FHIT: variants seen among roughly 807,000 people sequenced by gnomAD.
The protein encoded by FHIT is fragile histidine triad diadenosine triphosphatase.
Under a neutral mutation model 17.9 loss-of-function variants are expected in FHIT, and 19 were observed. The observed-to-expected ratio is 1.06, with a 90% CI of 0.74 to 1.56. The LOEUF is 1.56. Ranked by LOEUF, FHIT falls within the 40% of genes most tolerant of loss-of-function variation. FHIT has a pLI of 0.00. For synonymous variants in FHIT, 81 were observed against 69.7 expected, an observed-to-expected ratio of 1.16 and a Z score of -0.81; for missense variants, 248 against 189.2, an observed-to-expected ratio of 1.31 and a Z score of -1.82.
intron 4 of FHIT, among the ~76,000 whole-genome samples, chr3:60,724,014 T>A (rs904365947): frequency 6.6e-6 from 1 of 152,230 alleles, no homozygotes; most frequent in Admixed American, 6.5e-5. Flanking sequence ...TATCATACTG[T>A]TAATCAATCT....
chr3:59,934,413 C>G (rs974970411), intron 7 of FHIT, among the ~76,000 whole-genome samples: 4 of 152,078 alleles, frequency 2.6e-5, no homozygotes, highest in Non-Finnish European at 4.4e-5. Flanking sequence ...GTAAGCTCTT[C>G]TGCAAGAGGG....
At chr3:60,994,987 TA>T (rs199603233) in intron 3 of FHIT, among the ~76,000 whole-genome samples, 2 of 152,140 alleles carry the variant, frequency 1.3e-5, no homozygotes, top group African/African-American at 4.8e-5. Flanking sequence ...TAGTTTAATT[TA>T]AAAAGCACTC....
At chr3:60,309,039 G>C (rs186547893) in intron 5 of FHIT, among the ~76,000 whole-genome samples, 2 of 152,098 alleles carry the variant, frequency 1.3e-5, no homozygotes, top group Non-Finnish European at 2.9e-5. Context: ...CCTTAGTGCC[G>C]TCACCTCTGG....
At chr3:60,558,100 C>CAGAG (rs2036805180) in intron 4 of FHIT, among the ~76,000 whole-genome samples, 1 of 152,100 alleles carries the variant, frequency 6.6e-6, no homozygotes, top group Non-Finnish European at 1.5e-5. Context: ...GTTGGCATCA[C>CAGAG]TTGACTGCTA....
At chr3:60,988,576 G>A (rs1191109195) in intron 3 of FHIT, among the ~76,000 whole-genome samples, 1 of 152,118 alleles carries the variant, frequency 6.6e-6, no homozygotes, top group African/African-American at 2.4e-5. Flanking sequence ...AGATTTTAAG[G>A]GCAAATGAGA....
chr3:60,008,607 C>A (rs563925035), intron 7 of FHIT, among the ~76,000 whole-genome samples: 3 of 152,164 alleles, frequency 2.0e-5, no homozygotes, highest in African/African-American at 7.2e-5. Context: ...CAGCATGAGA[C>A]AAAAATGGTT....
At chr3:60,800,913 T>G (rs187404509) in intron 4 of FHIT, among the ~76,000 whole-genome samples, 2 of 152,238 alleles carry the variant, frequency 1.3e-5, no homozygotes, top group East Asian at 3.9e-4. Context: ...GAGGGTTAAT[T>G]CTCCTGAGAT....
chr3:60,494,701 C>A (rs2034221029), intron 5 of FHIT, among the ~76,000 whole-genome samples: 1 of 152,112 alleles, frequency 6.6e-6, no homozygotes, highest in Admixed American at 6.6e-5. Context: ...ATTTTTAGAT[C>A]CTACAAATAA....
intron 4 of FHIT, among the ~76,000 whole-genome samples, chr3:60,706,476 G>A (rs2041375962): frequency 6.6e-6 from 1 of 152,174 alleles, no homozygotes; most frequent in Non-Finnish European, 1.5e-5. Context: ...TCACAGTGGT[G>A]TTGAAAGATC....
intron 5 of FHIT, among the ~76,000 whole-genome samples, chr3:60,023,548 A>G (rs1700627903): frequency 6.6e-6 from 1 of 152,216 alleles, no homozygotes; most frequent in Admixed American, 6.5e-5. Flanking sequence ...AGTTTCCCTC[A>G]GATCTTCCAT....
At position 61,189,370 on chromosome 3, in the gene FHIT, T is replaced by C. The variant is rs190091694; in HGVS notation, c.-164+11247A>G. ...AGAATAAAATACCTAGGAATCCAAC[T>C]TACAAGAGATGGGAAGGACCTCTTG... On this transcript the variant is annotated intron_variant, in intron 2 of 9. Coordinates refer to ENST00000492590, the MANE Select transcript of FHIT (RefSeq NM_002012.4). 5.9e-5 allele frequency among the ~76,000 whole-genome samples: 9 copies of C among 152,142 alleles called. 1 individual carries two copies. The highest frequency in any genetic ancestry group is 4.6e-4 in the Admixed American group (7 of 15,280).
At chr3:60,522,130 A>G (rs1395604235) in intron 5 of FHIT, among the ~76,000 whole-genome samples, 1 of 140,332 alleles carries the variant, frequency 7.1e-6, no homozygotes, top group Non-Finnish European at 1.6e-5. Context: ...TTTTTCTGAC[A>G]CAGAGTCTTG....
intron 8 of FHIT, among the ~76,000 whole-genome samples, chr3:59,917,277 T>C (rs1705177729): frequency 6.6e-6 from 1 of 152,234 alleles, no homozygotes; most frequent in South Asian, 2.1e-4. Context: ...GCTTTAGTAA[T>C]AGTCACTTCC....
intron 3 of FHIT, among the ~76,000 whole-genome samples, chr3:60,893,260 A>G (rs2107184292): frequency 6.6e-6 from 1 of 152,298 alleles, no homozygotes; most frequent in South Asian, 2.1e-4. Context: ...ATGCTTTTCC[A>G]CAAGTTTCCA....
chr3:60,031,033 G>C (rs1437231460), intron 5 of FHIT, among the ~76,000 whole-genome samples: 1 of 152,136 alleles, frequency 6.6e-6, no homozygotes, highest in Non-Finnish European at 1.5e-5. Flanking sequence ...CCCTGGTCCA[G>C]TCCACTATTT....
rs72889612 is a variant in FHIT, at chr3:60,615,706, A to T, written c.-17-78727T>A. On this transcript the variant is annotated intron_variant, in intron 4 of 9. Transcript: ENST00000492590. ...GATATATTCAGACATAAAAGAAACA[A>T]TCTTAACCTTTAAGAAACTTGTAAT... Among the ~76,000 whole-genome samples the T allele has an allele frequency of 9.9e-3, 1,505 of 152,332 alleles. 32 individuals carry two copies. The highest frequency in any genetic ancestry group is 0.035 in the African/African-American group (1,446 of 41,570).
intron 4 of FHIT, among the ~76,000 whole-genome samples, chr3:60,554,526 T>A (rs1427820478): frequency 6.6e-6 from 1 of 152,188 alleles, no homozygotes; most frequent in Non-Finnish European, 1.5e-5. Context: ...AGAAATAATG[T>A]CAAAAGCTTG....
At chr3:60,525,085 T>C (rs1005357021) in intron 5 of FHIT, among the ~76,000 whole-genome samples, 2 of 152,142 alleles carry the variant, frequency 1.3e-5, no homozygotes, top group Non-Finnish European at 2.9e-5. Flanking sequence ...TAGAAGAAGG[T>C]AGGAAGCCAC....
chr3:60,388,212 C>G (rs1189952231), intron 5 of FHIT, among the ~76,000 whole-genome samples: 1 of 152,092 alleles, frequency 6.6e-6, no homozygotes, highest in Admixed American at 6.6e-5. Context: ...ATAAAATTAA[C>G]CCCCTAAATA....
Sources: gnomAD v4.1 joint callset for allele counts (sites outside exome capture counted in the v4.1 genomes callset) on GRCh38, gnomAD v4.1.1 for gene constraint, MANE v1.5 for transcripts, NCBI Gene and HGNC (gene_info 2026-07-23, HGNC 2026-07-21) for gene names.